The following KCNB2 variants were observed in gnomAD, a reference collection of about 807,000 sequenced individuals.
KCNB2 encodes the protein delayed rectifier potassium channel protein.
A neutral mutation model predicts 61.5 loss-of-function variants in KCNB2; 15 were observed. The ratio of observed to expected loss-of-function variants is 0.24; its 90% CI spans 0.16 to 0.38. The LOEUF (loss-of-function observed/expected upper bound fraction) is 0.38. KCNB2 is among the 10% of genes least tolerant of loss of function. The pLI, the probability that KCNB2 is intolerant of heterozygous loss-of-function variation, is 1.00. For synonymous variants in KCNB2, 457 were observed against 446.0 expected (o/e 1.02, Z -0.31); for missense variants, 828 against 1,125.2 (o/e 0.74, Z 3.78).
chr8:72,770,296 C>T (rs1808537924), intron 2 of KCNB2, among the ~76,000 whole-genome samples: 1 of 152,136 alleles, frequency 6.6e-6, no homozygotes, highest in Non-Finnish European at 1.5e-5. Context: ...CATCTGTGTC[C>T]CCAAAGACTG....
intron 2 of KCNB2, among the ~76,000 whole-genome samples, chr8:72,634,142 A>G (rs1805930006): frequency 6.6e-6 from 1 of 152,238 alleles, no homozygotes; most frequent in South Asian, 2.1e-4. Flanking sequence ...ATCCAAATGT[A>G]AGAAAACTTG....
At chr8:72,614,176 C>T (rs889087874) in intron 2 of KCNB2, among the ~76,000 whole-genome samples, 1 of 152,122 alleles carries the variant, frequency 6.6e-6, no homozygotes, top group Non-Finnish European at 1.5e-5. Context: ...ACCTCTTCTC[C>T]CAGTGCTGTT....
At chr8:72,701,087 A>C (rs1250748428) in intron 2 of KCNB2, among the ~76,000 whole-genome samples, 1 of 152,060 alleles carries the variant, frequency 6.6e-6, no homozygotes, top group African/African-American at 2.4e-5. Flanking sequence ...GGTGGGAGGG[A>C]GGGGAACAAG....
rs200745790 is a variant in KCNB2, at chr8:72,937,940, A to G, written c.2585A>G (p.Asn862Ser). 149 of 1,614,014 alleles carry G rather than the reference A, an allele frequency of 9.2e-5. 3 individuals carry two copies. The highest frequency in any genetic ancestry group is 1.6e-4 in the Middle Eastern group (1 of 6,084). ...TCCTCCCCGCAGGACACAGGTCACA[A>G]CTGTAGGCAAGACATTTACCATGCT... The part of the protein sequence containing the change: ...GSSSPQDTGH[N>S]CRQDIYHAVS... Residue 862 changes from asparagine (N) to serine (S), a missense_variant, in exon 3 of 3, where the codon AAC (asparagine) becomes AGC (serine). Transcript: ENST00000523207.
At position 72,837,097 on chromosome 8, in the gene KCNB2, A is replaced by G. The variant is rs550352429; in HGVS notation, c.580-98838A>G. Among the ~76,000 whole-genome samples the G allele has an allele frequency of 3.9e-5, 6 of 152,306 alleles. No individual in the cohort carries two copies. In the East Asian group the frequency reaches 5.8e-4, roughly 15 times the overall value. On this transcript the variant is annotated intron_variant, in intron 2 of 2. Transcript: ENST00000523207. The stretch of plus-strand genomic sequence containing the variant: ...TTAAGCCCTACTTTTTCAATTCAAT[A>G]TATTTAGAATTAGACATACTGTTCC...
rs1246022342 is a variant in KCNB2, at chr8:72,561,722, T to C, written c.-93-5920T>C. Among the ~76,000 whole-genome samples, 108 of 23,264 alleles carry C rather than the reference T, an allele frequency of 4.6e-3. 8 individuals carry two copies. The highest frequency in any genetic ancestry group is 0.032 in the African/African-American group (69 of 2,158). 15.3% of individuals were successfully genotyped at this position (23,264 alleles called of 152,430 possible). On this transcript the variant is annotated intron_variant, in intron 1 of 2. Coordinates refer to ENST00000523207, the MANE Select transcript of KCNB2 (RefSeq NM_004770.3). ...ATATATATATATATATATATATATA[T>C]ATATATCTATATCTATATATATATG...
chr8:72,594,938 G>T (rs1026247010), intron 2 of KCNB2, among the ~76,000 whole-genome samples: 1 of 152,160 alleles, frequency 6.6e-6, no homozygotes, highest in Non-Finnish European at 1.5e-5. Context: ...AAAACACCAA[G>T]CCAACAGAGG....
At chr8:72,850,632 A>G (rs926211753) in intron 2 of KCNB2, among the ~76,000 whole-genome samples, 4 of 152,174 alleles carry the variant, frequency 2.6e-5, no homozygotes, top group African/African-American at 9.7e-5. Flanking sequence ...TTTGATGGAG[A>G]CTTTTATGGG....
chr8:72,796,731 C>T (rs1374257502), intron 2 of KCNB2, among the ~76,000 whole-genome samples: 1 of 152,040 alleles, frequency 6.6e-6, no homozygotes, highest in Non-Finnish European at 1.5e-5. Context: ...CAGTTTTGGC[C>T]CATTGTCACA....
chr8:72,808,848 A>G (rs916003026), intron 2 of KCNB2, among the ~76,000 whole-genome samples: 1 of 152,152 alleles, frequency 6.6e-6, no homozygotes, highest in Admixed American at 6.6e-5. Flanking sequence ...CACCCATAGT[A>G]CACATTCATT....
chr8:72,863,259 G>A lies in KCNB2; in HGVS notation c.580-72676G>A, dbSNP rs150655759. ...GAGCTGAAAACAATTTGTCCTGTAA[G>A]TATTTTAAACATTCCCTCTGCAATC... On this transcript the variant is annotated intron_variant, in intron 2 of 2. Transcript: ENST00000523207. Among the ~76,000 whole-genome samples, 127 of 152,270 alleles carry A rather than the reference G, an allele frequency of 8.3e-4. 1 individual carries two copies. The East Asian group carries it at 0.021, about 25-fold the overall frequency.
At chr8:72,551,236 T>G (rs555092496) in intron 1 of KCNB2, among the ~76,000 whole-genome samples, 1 of 152,302 alleles carries the variant, frequency 6.6e-6, no homozygotes, top group South Asian at 2.1e-4. Context: ...TGTTTGTTTA[T>G]TTTTTACAAA....
chr8:72,718,699 A>G (rs1287272023), intron 2 of KCNB2, among the ~76,000 whole-genome samples: 1 of 151,464 alleles, frequency 6.6e-6, no homozygotes, highest in East Asian at 1.9e-4. Flanking sequence ...GCATTAGGAG[A>G]TCTACCTAAT....
chr8:72,707,016 G>A (rs1224026280), intron 2 of KCNB2, among the ~76,000 whole-genome samples: 1 of 152,134 alleles, frequency 6.6e-6, no homozygotes, highest in Non-Finnish European at 1.5e-5. Flanking sequence ...ACTCCACTCT[G>A]CATATTACCT....
At chr8:72,663,218 A>T (rs1467323679) in intron 2 of KCNB2, among the ~76,000 whole-genome samples, 1 of 151,912 alleles carries the variant, frequency 6.6e-6, no homozygotes, top group African/African-American at 2.4e-5. Context: ...CAACTAGTAG[A>T]CACTTGATTA....
Position 72,937,853 on chromosome 8 carries a change from G to A in KCNB2, c.2498G>A (p.Cys833Tyr), listed in dbSNP as rs375999807. The A allele has an allele frequency of 6.2e-7, 1 of 1,614,068 alleles. No homozygotes were observed. Among genetic ancestry groups the A allele is most frequent in the African/African-American group, 1.3e-5 (1 of 75,052 alleles). The change falls in exon 3 of 3, where the codon TGC becomes TAC. Residue 833 changes from cysteine (C) to tyrosine (Y), a missense_variant. By Grantham distance (194) the Cys-to-Tyr change is radical. Coordinates refer to ENST00000523207, the MANE Select transcript of KCNB2 (RefSeq NM_004770.3). ...EEKQVDSSPN[C>Y]FADKPSDGRD... is the part of the protein sequence containing the mutation. ...AAGCAGGTGGACTCCAGCCCAAATT[G>A]CTTTGCAGATAAGCCTAGTGATGGG... is the stretch of plus-strand genomic sequence containing the variant.
intron 2 of KCNB2, among the ~76,000 whole-genome samples, chr8:72,674,907 AT>A (rs1806626204): frequency 6.6e-6 from 1 of 152,238 alleles, no homozygotes; most frequent in African/African-American, 2.4e-5. Flanking sequence ...TGATAAAAAA[AT>A]AAAGATTTTT....
At chr8:72,710,459 C>CAT (rs142371083) in intron 2 of KCNB2, among the ~76,000 whole-genome samples, 8,025 of 149,308 alleles carry the variant, frequency 0.054, 333 homozygotes, top group African/African-American at 0.12. Context: ...GCATGCTCTG[C>CAT]ATATATATAT....
Position 72,755,609 on chromosome 8 carries a change from T to G in KCNB2, c.580-180326T>G, listed in dbSNP as rs1225207570. Among the ~76,000 whole-genome samples the G allele has an allele frequency of 2.0e-5, 3 of 152,294 alleles. No homozygotes were observed. In the East Asian group the frequency reaches 5.8e-4, roughly 29 times the overall value. ...AGCACATGAAAAACTGCCCAACACC[T>G]TTGCTCATTAGGGAAATGCAAGTTA... On this transcript the variant is annotated intron_variant, in intron 2 of 2. Transcript: ENST00000523207.
Sources: gnomAD v4.1 joint callset for allele counts (sites outside exome capture counted in the v4.1 genomes callset) on GRCh38, gnomAD v4.1.1 for gene constraint, MANE v1.5 for transcripts, NCBI Gene and HGNC (gene_info 2026-07-23, HGNC 2026-07-21) for gene names.